FAM185A: variants seen among roughly 807,000 people sequenced by gnomAD.
FAM185A encodes the protein family with sequence similarity 185 member A.
Under a neutral mutation model 45.7 loss-of-function variants are expected in FAM185A, and 21 were observed. The ratio of observed to expected loss-of-function variants is 0.46; its 90% CI spans 0.33 to 0.66. FAM185A has a LOEUF of 0.66. FAM185A is among the 30% of genes least tolerant of loss of function. The pLI is 0.03. For missense variants in FAM185A, 305 were observed against 485.4 expected (o/e 0.63, Z 3.49); for synonymous variants, 117 against 194.0 (o/e 0.60, Z 3.30).
chr7:102,770,030 C>G (rs139722172), intron 4 of FAM185A, among the ~76,000 whole-genome samples: 25,972 of 152,132 alleles, frequency 0.17, 2,273 homozygotes, highest in Middle Eastern at 0.27. Context: ...AACGTTCAAA[C>G]CACAACAAGC....
At chr7:102,822,986 TG>T in the FAM185A span, among the ~76,000 whole-genome samples, 1 of 152,120 alleles carries the variant, frequency 6.6e-6, no homozygotes, top group African/African-American at 2.4e-5. Flanking sequence ...TGCTTGAGCC[TG>T]GGAGGTCAGT....
chr7:102,773,290 T>C (rs1011933719), intron 5 of FAM185A, among the ~76,000 whole-genome samples: 4 of 151,244 alleles, frequency 2.6e-5, no homozygotes, highest in Non-Finnish European at 4.4e-5. Flanking sequence ...TAGGACCTTG[T>C]AGACAGGGTA....
intron 4 of FAM185A, among the ~76,000 whole-genome samples, chr7:102,765,468 T>C (rs888757512): frequency 6.6e-6 from 1 of 151,930 alleles, no homozygotes; most frequent in African/African-American, 2.4e-5. Context: ...TTATTTTTTG[T>C]CTGCATTTTC....
At chr7:102,822,571 C>T in the FAM185A span, 1 of 411,524 alleles carries the variant, frequency 2.4e-6, no homozygotes, top group East Asian at 6.8e-5. Context: ...CTTTCTATTA[C>T]TGTCACAGTG....
chr7:102,836,636 CTG>C, the FAM185A span, among the ~76,000 whole-genome samples: 4 of 152,178 alleles, frequency 2.6e-5, no homozygotes, highest in Non-Finnish European at 4.4e-5. Context: ...GCCAATTTTG[CTG>C]TGTGTTGGCA....
chr7:102,817,506 C>A, the FAM185A span, among the ~76,000 whole-genome samples: 1 of 152,068 alleles, frequency 6.6e-6, no homozygotes, highest in African/African-American at 2.4e-5. Flanking sequence ...GATATTAGAC[C>A]TTTGTCGGAT....
At chr7:102,805,183 T>C (rs936545791) in intron 7 of FAM185A, among the ~76,000 whole-genome samples, 8 of 152,172 alleles carry the variant, frequency 5.3e-5, no homozygotes, top group African/African-American at 1.9e-4. Context: ...CTACTGGGTA[T>C]CTACCCAGAG....
chr7:102,835,414 T>C, the FAM185A span, among the ~76,000 whole-genome samples: 1 of 152,142 alleles, frequency 6.6e-6, no homozygotes, highest in Non-Finnish European at 1.5e-5. Flanking sequence ...TCAATAAAAA[T>C]GCAATAAGCC....
chr7:102,749,309 C>T lies in FAM185A; in HGVS notation c.102C>T (p.Cys34=). 1 of 1,549,668 alleles carries T rather than the reference C, an allele frequency of 6.5e-7. No individual in the cohort carries two copies. Residue 34 remains cysteine (C), a synonymous_variant, in exon 1 of 8, where the codon TGC becomes TGT. Transcript: ENST00000413034. The part of the protein sequence containing the change: ...AGAGRWACWA[C]QARPYSSGGS... The stretch of plus-strand genomic sequence containing the variant: ...CTGGGCGCTGGGCTTGCTGGGCTTG[C>T]CAAGCCAGGCCGTACAGCTCAGGTG...
chr7:102,831,579 C>G, the FAM185A span, among the ~76,000 whole-genome samples: 2 of 152,144 alleles, frequency 1.3e-5, no homozygotes, highest in Non-Finnish European at 2.9e-5. Context: ...ATCTAGAGAT[C>G]TATCTACTTC....
Position 102,784,124 on chromosome 7 carries a change from A to G in FAM185A, c.932-3211A>G, listed in dbSNP as rs553041862. 3.3e-5 allele frequency among the ~76,000 whole-genome samples: 5 copies of G among 152,272 alleles called. No individual in the cohort carries two copies. In the South Asian group the frequency reaches 8.3e-4, roughly 25 times the overall value. On this transcript the variant is annotated intron_variant, in intron 6 of 7. Transcript: ENST00000413034. ...TCCTGGACACATACACCCTCCCAAGACTAAACCAGGAAGAAGTTGAATCTC... is the reference window on the plus strand; with the variant it reads ...TCCTGGACACATACACCCTCCCAAGGCTAAACCAGGAAGAAGTTGAATCTC...
chr7:102,835,330 C>T, the FAM185A span, among the ~76,000 whole-genome samples: 1 of 152,166 alleles, frequency 6.6e-6, no homozygotes, highest in Non-Finnish European at 1.5e-5. Context: ...TAGTGGGGCA[C>T]ACCCAAGGAG....
chr7:102,789,607 G>T (rs1199367894), intron 7 of FAM185A, among the ~76,000 whole-genome samples: 1 of 152,296 alleles, frequency 6.6e-6, no homozygotes. Context: ...TACTCAGGAG[G>T]CTGAGGAAAA....
chr7:102,824,338 CA>C, the FAM185A span, among the ~76,000 whole-genome samples: 21 of 151,828 alleles, frequency 1.4e-4, no homozygotes, highest in Middle Eastern at 3.4e-3. Context: ...AGCACATTGC[CA>C]AAAAAATAGC....
At chr7:102,828,934 C>T in the FAM185A span, among the ~76,000 whole-genome samples, 3 of 152,098 alleles carry the variant, frequency 2.0e-5, no homozygotes, top group Non-Finnish European at 1.5e-5. Context: ...CAGTTCTCTC[C>T]CTTTTGTAGA....
intron 4 of FAM185A, among the ~76,000 whole-genome samples, chr7:102,769,537 G>T (rs1794621466): frequency 6.7e-6 from 1 of 150,312 alleles, no homozygotes; most frequent in Non-Finnish European, 1.5e-5. Flanking sequence ...CTAGCTAAAT[G>T]ACTGTAAAAC....
rs1360377462 is a variant in FAM185A at position 102,776,099 on chromosome 7, T to TACAC, written c.836-1140_836-1137dup. Among the ~76,000 whole-genome samples the TACAC allele has an allele frequency of 7.7e-3, 817 of 106,208 alleles. 6 individuals are homozygous for TACAC. The highest frequency in any genetic ancestry group is 0.039 in the African/African-American group (738 of 18,822). The allele number at this position is 106,208 out of a possible 152,430, so 69.7% of individuals were successfully genotyped here. ...TTTAAAAGAAAAATGTTGGCTCCTA[T>TACAC]ACACACACACACACACAAATGTTTT... On this transcript the variant is annotated intron_variant, in intron 5 of 7. Transcript: ENST00000413034.
At chr7:102,752,032 G>A (rs1339864189) in intron 2 of FAM185A, among the ~76,000 whole-genome samples, 1 of 151,838 alleles carries the variant, frequency 6.6e-6, no homozygotes, top group Non-Finnish European at 1.5e-5. Flanking sequence ...ATTTCAAAGT[G>A]TACAGTGAAA....
chr7:102,844,677 G>A, the FAM185A span, among the ~76,000 whole-genome samples: 1 of 152,088 alleles, frequency 6.6e-6, no homozygotes, highest in Admixed American at 6.5e-5. Flanking sequence ...GACCAATTCT[G>A]TGACACCAAC....
Sources: gnomAD v4.1 joint callset for allele counts (sites outside exome capture counted in the v4.1 genomes callset) on GRCh38, gnomAD v4.1.1 for gene constraint, MANE v1.5 for transcripts, NCBI Gene and HGNC (gene_info 2026-07-23, HGNC 2026-07-21) for gene names.